Variants in PRR16 observed in about 807,000 individuals in gnomAD.
PRR16 encodes protein Largen.
Under a neutral mutation model 18.2 loss-of-function variants are expected in PRR16, and 6 were observed. The observed-to-expected ratio is 0.33, with a 90% confidence interval of 0.18 to 0.65. The LOEUF (loss-of-function observed/expected upper bound fraction) is 0.65, where lower values mean the gene tolerates loss of function less well. Ranked by LOEUF, PRR16 falls within the 30% of genes least tolerant of loss-of-function variation. PRR16 has a pLI of 0.74. For synonymous variants in PRR16, 151 were observed against 147.8 expected, an observed-to-expected ratio of 1.02 and a Z score of -0.16; for missense variants, 412 against 376.6, an observed-to-expected ratio of 1.09 and a Z score of -0.78.
the PRR16 span, among the ~76,000 whole-genome samples, chr5:120,784,179 A>T: frequency 6.6e-6 from 1 of 152,148 alleles, no homozygotes; most frequent in Non-Finnish European, 1.5e-5. Flanking sequence ...GGGAGTGCAG[A>T]TATCTCTTAA....
chr5:120,539,639 G>A (rs1388508364), intron 1 of PRR16, among the ~76,000 whole-genome samples: 2 of 151,730 alleles, frequency 1.3e-5, no homozygotes, highest in East Asian at 3.9e-4. Context: ...TAACAAACCT[G>A]CACATGTGCC....
intron 1 of PRR16, among the ~76,000 whole-genome samples, chr5:120,552,958 C>T (rs1752300462): frequency 6.6e-6 from 1 of 151,838 alleles, no homozygotes; most frequent in African/African-American, 2.4e-5. Flanking sequence ...ATGATCTTCA[C>T]TAAATATTTT....
intron 1 of PRR16, among the ~76,000 whole-genome samples, chr5:120,668,406 C>G (rs1756472214): frequency 6.7e-6 from 1 of 148,954 alleles, no homozygotes; most frequent in Non-Finnish European, 1.5e-5. Context: ...GACTCTTTAT[C>G]CAATTTGCCA....
At chr5:120,749,925 A>G in the PRR16 span, among the ~76,000 whole-genome samples, 174 of 152,310 alleles carry the variant, frequency 1.1e-3, no homozygotes, top group African/African-American at 3.9e-3. Context: ...CTCTTTGTTT[A>G]GAAAAGATCA....
At chr5:120,539,184 CTAGGTT>C (rs2112679638) in intron 1 of PRR16, among the ~76,000 whole-genome samples, 1 of 151,456 alleles carries the variant, frequency 6.6e-6, no homozygotes, top group South Asian at 2.1e-4. Context: ...TTGAAGAATG[CTAGGTT>C]TTTAAAATCA....
At chr5:120,671,835 A>G (rs2150146958) in intron 1 of PRR16, among the ~76,000 whole-genome samples, 1 of 152,284 alleles carries the variant, frequency 6.6e-6, no homozygotes, top group East Asian at 1.9e-4. Context: ...TGAAAAAGAG[A>G]GAAGTTAGAA....
intron 1 of PRR16, among the ~76,000 whole-genome samples, chr5:120,591,959 C>A (rs1429990499): frequency 6.6e-6 from 1 of 152,036 alleles, no homozygotes; most frequent in Non-Finnish European, 1.5e-5. Flanking sequence ...GCTTGTGTCC[C>A]TATTTGATAT....
chr5:120,501,378 A>G (rs903134055), intron 1 of PRR16, among the ~76,000 whole-genome samples: 5 of 151,916 alleles, frequency 3.3e-5, no homozygotes, highest in Admixed American at 6.5e-5. Flanking sequence ...TCTTTTGTCT[A>G]GAAAGAAACA....
chr5:120,730,720 AAAGAATAAGTGAAGGTATGAAATAT>A, the PRR16 span, among the ~76,000 whole-genome samples: 1 of 152,182 alleles, frequency 6.6e-6, no homozygotes, highest in Non-Finnish European at 1.5e-5. Flanking sequence ...TTGAGTTTAA[AAAGAATAAGTGAAGGTATGAAATAT>A]AAGATGTCTG....
intron 1 of PRR16, among the ~76,000 whole-genome samples, chr5:120,657,106 C>A (rs926384377): frequency 6.6e-6 from 1 of 151,894 alleles, no homozygotes; most frequent in Non-Finnish European, 1.5e-5. Context: ...TGATTTATTT[C>A]TTTTAACTTG....
chr5:120,544,224 G>C (rs924764463), intron 1 of PRR16, among the ~76,000 whole-genome samples: 13 of 152,130 alleles, frequency 8.5e-5, no homozygotes, highest in African/African-American at 2.7e-4. Context: ...AGCTGCTAGG[G>C]ACTGTAGCCC....
intron 1 of PRR16, among the ~76,000 whole-genome samples, chr5:120,535,905 C>T (rs1181270821): frequency 1.3e-5 from 2 of 152,076 alleles, no homozygotes; most frequent in African/African-American, 2.4e-5. Flanking sequence ...GAGTTCAAGA[C>T]CAGCCTGGGC....
the PRR16 span, among the ~76,000 whole-genome samples, chr5:120,761,257 T>G: frequency 6.6e-6 from 1 of 152,116 alleles, no homozygotes; most frequent in Non-Finnish European, 1.5e-5. Context: ...GAAACTGGAT[T>G]GTTTAACTCA....
chr5:120,686,509 C>T lies in PRR16; in HGVS notation c.715C>T (p.His239Tyr). 2 of 1,613,928 alleles carry T rather than the reference C, an allele frequency of 1.2e-6. No homozygotes were observed. Among genetic ancestry groups the T allele is most frequent in the Non-Finnish European group, 8.5e-7 (1 of 1,179,922 alleles). The part of the protein sequence containing the change: ...REVHLHSEPV[H>Y]PPGKIPHQGP... ...GGTCCACTTACACAGTGAACCTGTC[C>T]ACCCACCGGGAAAGATTCCTCACCA... Residue 239 changes from histidine to tyrosine, a missense_variant, in exon 2 of 2, where the codon CAC becomes TAC. Transcript: ENST00000407149.
chr5:120,601,079 A>G (rs1054961610), intron 1 of PRR16, among the ~76,000 whole-genome samples: 3 of 151,844 alleles, frequency 2.0e-5, no homozygotes, highest in African/African-American at 4.8e-5. Context: ...ATTCCTTTCA[A>G]TATATACCCC....
intron 1 of PRR16, among the ~76,000 whole-genome samples, chr5:120,683,298 C>A (rs1426220871): frequency 6.6e-6 from 1 of 151,944 alleles, no homozygotes; most frequent in Non-Finnish European, 1.5e-5. Flanking sequence ...TGAGACCAGC[C>A]TGGCCAACAT....
chr5:120,791,597 ATCTATCTATCT>A, the PRR16 span, among the ~76,000 whole-genome samples: 1 of 137,700 alleles, frequency 7.3e-6, no homozygotes, highest in Non-Finnish European at 1.6e-5. Context: ...CTATCTATCT[ATCTATCTATCT>A]ATCTATCTAT....
At chr5:120,761,806 A>G in the PRR16 span, among the ~76,000 whole-genome samples, 1 of 152,030 alleles carries the variant, frequency 6.6e-6, no homozygotes, top group Non-Finnish European at 1.5e-5. Context: ...TGAACATTGG[A>G]ATTTATTCGT....
chr5:120,713,983 A>T, the PRR16 span, among the ~76,000 whole-genome samples: 1 of 152,142 alleles, frequency 6.6e-6, no homozygotes, highest in Admixed American at 6.6e-5. Context: ...TCCGAGACCC[A>T]TGAAAATTCC....
Sources: allele counts gnomAD v4.1 joint callset (sites outside exome capture counted in the v4.1 genomes callset), GRCh38; gene constraint gnomAD v4.1.1; transcripts MANE v1.5; gene names NCBI Gene and HGNC (gene_info 2026-07-23, HGNC 2026-07-21).